CNBP: variants seen among roughly 807,000 people sequenced by gnomAD.
The protein encoded by CNBP is cellular nucleic acid-binding protein.
In CNBP, 6 loss-of-function variants were observed where a neutral mutation model predicts 21.2. The observed-to-expected ratio is 0.28, with a 90% CI of 0.16 to 0.56. CNBP has a LOEUF of 0.56. Ranked by LOEUF, CNBP falls within the 20% of genes least tolerant of loss-of-function variation. The pLI is 0.93. For missense variants in CNBP, 112 were observed against 233.1 expected, an observed-to-expected ratio of 0.48 and a Z score of 3.38; for synonymous variants, 61 against 74.9, an observed-to-expected ratio of 0.81 and a Z score of 0.96.
intron 1 of CNBP, among the ~76,000 whole-genome samples, chr3:129,173,288 G>GC (rs1163896150): frequency 1.3e-5 from 2 of 152,174 alleles, no homozygotes; most frequent in Non-Finnish European, 2.9e-5. Flanking sequence ...AGGTTGTAAT[G>GC]CAAGTACTAC....
chr3:129,180,289 T>C (rs1938208931), intron 1 of CNBP, among the ~76,000 whole-genome samples: 2 of 152,234 alleles, frequency 1.3e-5, no homozygotes, highest in South Asian at 4.1e-4. Flanking sequence ...TTTTAAAAGA[T>C]CTACAGTCAT....
Position 129,168,194 on chromosome 3 carries a change from G to C in CNBP, c.*2259C>G, listed in dbSNP as rs1403467619. On this transcript the variant is annotated 3_prime_UTR_variant, in exon 5 of 5. Coordinates refer to ENST00000422453, the MANE Select transcript of CNBP (RefSeq NM_003418.5). ...AGGGCATGGGGAGTGAATAATGGTT[G>C]AAGTTCCAGGCTCTAACTGTACATC... 1.3e-5 allele frequency among the ~76,000 whole-genome samples: 2 copies of C among 152,174 alleles called. No individual in the cohort carries two copies. Among genetic ancestry groups the C allele is most frequent in the Non-Finnish European group, 2.9e-5 (2 of 68,040 alleles).
At chr3:129,171,816 T>C in intron 1 of CNBP, 45 bp from the exon 2 acceptor site, 5 of 1,563,712 alleles carry the variant, frequency 3.2e-6, no homozygotes. Flanking sequence ...TGAAAGTTCT[T>C]TTAACTTTTA....
chr3:129,174,710 T>C (rs1372834860), intron 1 of CNBP, among the ~76,000 whole-genome samples: 1 of 151,236 alleles, frequency 6.6e-6, no homozygotes, highest in African/African-American at 2.4e-5. Flanking sequence ...AAAGGCTGCT[T>C]ATGGCACCAC....
At chr3:129,177,887 GGGT>G (rs1472715365) in intron 1 of CNBP, among the ~76,000 whole-genome samples, 1 of 152,120 alleles carries the variant, frequency 6.6e-6, no homozygotes, top group African/African-American at 2.4e-5. Context: ...GGGCCGGGCG[GGGT>G]GGCCCACACC....
intron 1 of CNBP, among the ~76,000 whole-genome samples, chr3:129,172,642 AGGCAGGCAGGCAGG>A (rs1560034827): frequency 1.7e-4 from 11 of 65,352 alleles, no homozygotes; most frequent in Non-Finnish European, 3.1e-4. Flanking sequence ...GCAGGCAGGC[AGGCAGGCAGGCAGG>A]CAGACAGACA....
At chr3:129,170,681 C>T (rs1937551884) in intron 4 of CNBP, 111 bp from the exon 5 acceptor site, 4 of 813,792 alleles carry the variant, frequency 4.9e-6, no homozygotes, top group Admixed American at 1.9e-5. Flanking sequence ...ATGCAATTAA[C>T]CCCTAAGGTT....
chr3:129,172,687 GAC>G (rs1187373246), intron 1 of CNBP, among the ~76,000 whole-genome samples: 1 of 94,202 alleles, frequency 1.1e-5, no homozygotes, highest in Non-Finnish European at 2.2e-5. Context: ...CAGACAGACA[GAC>G]AGACAGACAC....
At chr3:129,178,068 A>T (rs548289937) in intron 1 of CNBP, among the ~76,000 whole-genome samples, 4 of 151,498 alleles carry the variant, frequency 2.6e-5, no homozygotes, top group Non-Finnish European at 5.9e-5. Context: ...CTGACGCACA[A>T]GAATTGCTTG....
rs1937477356 is a variant in CNBP, at chr3:129,167,873, T to G, written c.*2580A>C. ...TGTGTTAACATGTGAGACATACAAT[T>G]TGCTCAGTAAAAATAGCACATGAAA... On this transcript the variant is annotated 3_prime_UTR_variant, in exon 5 of 5. Transcript: ENST00000422453. Among the ~76,000 whole-genome samples, 1 of 152,254 alleles carries G rather than the reference T, an allele frequency of 6.6e-6. No homozygotes were observed. Among genetic ancestry groups the G allele is most frequent in the African/African-American group, 2.4e-5 (1 of 41,468 alleles).
chr3:129,174,941 A>G (rs1370351338), intron 1 of CNBP, among the ~76,000 whole-genome samples: 1 of 152,198 alleles, frequency 6.6e-6, no homozygotes, highest in Non-Finnish European at 1.5e-5. Context: ...TCACACCTGT[A>G]ATCCCAGCAC....
At chr3:129,183,467 G>A (rs555138245) in intron 1 of CNBP, among the ~76,000 whole-genome samples, 152 of 152,368 alleles carry the variant, frequency 1.0e-3, no homozygotes, top group African/African-American at 3.5e-3. Context: ...CGGCCCCAAG[G>A]GCGCACGGGC....
At position 129,168,632 on chromosome 3, in the gene CNBP, C is replaced by T. The variant is rs566744187; in HGVS notation, c.*1821G>A. Among the ~76,000 whole-genome samples the T allele has an allele frequency of 7.1e-6, 1 of 141,014 alleles. No homozygotes were observed. The highest frequency in any genetic ancestry group is 1.5e-5 in the Non-Finnish European group (1 of 64,842). The allele number at this position is 141,014 out of a possible 152,430, so 92.5% of individuals were successfully genotyped here. On this transcript the variant is annotated 3_prime_UTR_variant, in exon 5 of 5. Coordinates refer to ENST00000422453, the MANE Select transcript of CNBP (RefSeq NM_003418.5). ...AAAAAAAAAAAAAAAAAAAAAAAGGCCCAGGAAAAACACAAAAATAGCAAT... is the reference window on the plus strand; with the variant it reads ...AAAAAAAAAAAAAAAAAAAAAAAGGTCCAGGAAAAACACAAAAATAGCAAT...
chr3:129,180,181 A>G (rs1200677822), intron 1 of CNBP, among the ~76,000 whole-genome samples: 1 of 145,750 alleles, frequency 6.9e-6, no homozygotes, highest in East Asian at 2.0e-4. Context: ...AGTAACTAAG[A>G]AAAAAAAAAG....
Position 129,175,647 on chromosome 3 carries a change from C to G in CNBP, c.-14-3876G>C, listed in dbSNP as rs547250436. On this transcript the variant is annotated intron_variant, in intron 1 of 4. Coordinates refer to ENST00000422453, the MANE Select transcript of CNBP (RefSeq NM_003418.5). ...GTTTCACCATGTTGGCCAGGATGGT[C>G]TCGATCTCCTGACCTAGTGATCCAC... is the stretch of plus-strand genomic sequence containing the variant. Among the ~76,000 whole-genome samples the G allele has an allele frequency of 1.6e-4, 25 of 152,180 alleles. 1 individual carries two copies. The South Asian group carries it at 5.0e-3, about 30-fold the overall frequency.
intron 1 of CNBP, among the ~76,000 whole-genome samples, chr3:129,179,883 A>G (rs2107646803): frequency 6.6e-6 from 1 of 152,156 alleles, no homozygotes; most frequent in Middle Eastern, 3.4e-3. Flanking sequence ...GCACACGCCT[A>G]TAGTCCCAGC....
At chr3:129,173,664 T>C (rs1454457149) in intron 1 of CNBP, among the ~76,000 whole-genome samples, 1 of 152,216 alleles carries the variant, frequency 6.6e-6, no homozygotes, top group Non-Finnish European at 1.5e-5. Context: ...ATTCTTAAAA[T>C]AGAATGAAAT....
At chr3:129,182,988 G>A (rs1370079199) in intron 1 of CNBP, among the ~76,000 whole-genome samples, 1 of 151,910 alleles carries the variant, frequency 6.6e-6, no homozygotes, top group Non-Finnish European at 1.5e-5. Flanking sequence ...GTCTCTCTCT[G>A]TTGCCCATGC....
chr3:129,176,736 C>T lies in CNBP; in HGVS notation c.-14-4965G>A, dbSNP rs559779084. Among the ~76,000 whole-genome samples the T allele has an allele frequency of 1.8e-4, 28 of 152,278 alleles. 1 individual carries two copies. The South Asian group carries it at 5.8e-3, about 32-fold the overall frequency. The stretch of plus-strand genomic sequence containing the variant: ...GCTTTCTGAAATCATAGGTGAGATT[C>T]TGCCCAGATGAATTTAGGATCCACA... On this transcript the variant is annotated intron_variant, in intron 1 of 4. Coordinates refer to ENST00000422453, the MANE Select transcript of CNBP (RefSeq NM_003418.5).
Sources: gnomAD v4.1 joint callset for allele counts (sites outside exome capture counted in the v4.1 genomes callset) on GRCh38, gnomAD v4.1.1 for gene constraint, MANE v1.5 for transcripts, NCBI Gene and HGNC (gene_info 2026-07-23, HGNC 2026-07-21) for gene names.